SGCA: variants seen among roughly 807,000 people sequenced by gnomAD.
SGCA encodes the protein sarcoglycan alpha, also known as alpha-sarcoglycan.
In SGCA, 34 loss-of-function variants were observed where a neutral mutation model predicts 38.1. The ratio of observed to expected loss-of-function variants is 0.89; its 90% CI spans 0.68 to 1.19. The LOEUF is 1.19. SGCA is among the 50% of genes most tolerant of loss of function. The pLI, the probability that SGCA is intolerant of heterozygous loss-of-function variation, is 0.00. For synonymous variants in SGCA, 209 were observed against 214.6 expected, an observed-to-expected ratio of 0.97 and a Z score of 0.23; for missense variants, 476 against 524.9, an observed-to-expected ratio of 0.91 and a Z score of 0.91.
chr17:50,171,857 A>G (rs1598273213), intron 8 of SGCA: 1 of 456,792 alleles, frequency 2.2e-6, no homozygotes, highest in Non-Finnish European at 4.4e-6. Context: ...CTTGTCCGCC[A>G]CAGCCCTCAG....
chr17:50,167,262 T>C lies in SGCA; in HGVS notation c.38-106T>C. 1 of 1,529,466 alleles carries C rather than the reference T, an allele frequency of 6.5e-7. No individual in the cohort carries two copies. Among genetic ancestry groups the C allele is most frequent in the South Asian group, 1.1e-5 (1 of 87,284 alleles). 94.7% of individuals were successfully genotyped at this position (1,529,466 alleles called of 1,614,324 possible). A position where few individuals can be genotyped will look rare whatever the true frequency, so the allele number is the denominator to read the frequency against. ...CCTGGGAGGCAGCAAAGGAAGCGCT[T>C]CTCTCGGTCCCTTAGGGGCTCCAAG... On this transcript the variant is annotated intron_variant, in intron 1 of 9. Coordinates refer to ENST00000262018, the MANE Select transcript of SGCA (RefSeq NM_000023.4). The surrounding 1 kb of genome is among the most constrained non-coding windows in gnomAD (Gnocchi z 4.5).
rs1904953021 is a variant in SGCA, at chr17:50,167,089, T to TTC, written c.38-279_38-278insTC. 6.6e-6 allele frequency among the ~76,000 whole-genome samples: 1 copy of TTC among 151,302 alleles called. No homozygotes were observed. Among genetic ancestry groups the TTC allele is most frequent in the Non-Finnish European group, 1.5e-5 (1 of 67,850 alleles). The stretch of plus-strand genomic sequence containing the variant: ...CACACACACACTTCCCAGTCAAACA[T>TTC]CAGTCCCTGCCCACTGCACCATTAA... On this transcript the variant is annotated intron_variant, in intron 1 of 9. Transcript: ENST00000262018. This position sits in a 1 kb window ranked among gnomAD's most constrained non-coding sequence, Gnocchi z 4.5.
rs886053138 is a variant in SGCA, at chr17:50,175,926, G to A, written c.*227G>A. ...CCAATTGCTGCTGGCAGCCTCTCCC[G>A]TCCTCACTGGCTCTGTTTCCCTTTG... On this transcript the variant is annotated 3_prime_UTR_variant, in exon 10 of 10. Transcript: ENST00000262018. The A allele has an allele frequency of 2.7e-5, 12 of 438,798 alleles. No individual in the cohort carries two copies. The highest frequency in any genetic ancestry group is 1.2e-4 in the African/African-American group (6 of 49,970). The allele number at this position is 438,798 out of a possible 1,614,324, so 27.2% of individuals were successfully genotyped here. A position where few individuals can be genotyped will look rare whatever the true frequency, so the allele number is the denominator to read the frequency against.
At position 50,167,581 on chromosome 17, in the gene SGCA, G is replaced by C; in HGVS notation, c.158-1G>C. ...GAATCCCCTCTCCTCGCTTCCACCAGCTGTCCCACCCGCTGTCCACATCAC... is the reference window on the plus strand; with the variant it reads ...GAATCCCCTCTCCTCGCTTCCACCACCTGTCCCACCCGCTGTCCACATCAC... On this transcript the variant is annotated splice_acceptor_variant, in intron 2 of 9. Coordinates refer to ENST00000262018, the MANE Select transcript of SGCA (RefSeq NM_000023.4). LOFTEE classifies it high-confidence loss of function. The surrounding 1 kb of genome is among the most constrained non-coding windows in gnomAD (Gnocchi z 4.5). 6.2e-7 allele frequency: 1 copy of C among 1,613,342 alleles called. No individual in the cohort carries two copies.
In SGCA at chr17:50,167,823, T is replaced by G. The variant is rs1446534439; in HGVS notation, c.312+87T>G. The G allele has an allele frequency of 1.1e-5, 17 of 1,546,522 alleles. No individual in the cohort carries two copies. The highest frequency in any genetic ancestry group is 1.5e-5 in the Non-Finnish European group (17 of 1,119,166). ...CCTATGAATTGGGATTGGGTGCTCA[T>G]TCACAGTCATTTACATATAATTTAC... On this transcript the variant is annotated intron_variant, in intron 3 of 9. Coordinates refer to ENST00000262018, the MANE Select transcript of SGCA (RefSeq NM_000023.4). This position sits in a 1 kb window ranked among gnomAD's most constrained non-coding sequence, Gnocchi z 4.5.
At position 50,167,768 on chromosome 17, in the gene SGCA, G is replaced by A. The variant is rs1219097402; in HGVS notation, c.312+32G>A. The A allele has an allele frequency of 1.2e-6, 2 of 1,600,862 alleles. No individual in the cohort carries two copies. The highest frequency in any genetic ancestry group is 2.3e-5 in the East Asian group (1 of 44,324). ...TCAGGGACCCTGAGAAAATCACAGGGGTGGGCCAGAGTGGCCTCCTAGGAG... is the reference window on the plus strand; with the variant it reads ...TCAGGGACCCTGAGAAAATCACAGGAGTGGGCCAGAGTGGCCTCCTAGGAG... On this transcript the variant is annotated intron_variant, in intron 3 of 9. Transcript: ENST00000262018. The surrounding 1 kb of genome is among the most constrained non-coding windows in gnomAD (Gnocchi z 4.5).
intron 8 of SGCA, among the ~76,000 whole-genome samples, chr17:50,174,755 A>G (rs1013844836): frequency 3.3e-5 from 5 of 152,230 alleles, no homozygotes; most frequent in African/African-American, 1.2e-4. Flanking sequence ...GTCTACACCC[A>G]CAGCCTATGT....
intron 8 of SGCA, among the ~76,000 whole-genome samples, chr17:50,173,111 A>T (rs1269097429): frequency 6.6e-6 from 1 of 152,218 alleles, no homozygotes; most frequent in African/African-American, 2.4e-5. Context: ...GCCTCAGTCA[A>T]TGTGAAATCA....
At position 50,168,023 on chromosome 17, in the gene SGCA, C is replaced by T. The variant is rs201094873; in HGVS notation, c.385+4C>T. 1.2e-6 allele frequency: 2 copies of T among 1,612,528 alleles called. No individual in the cohort carries two copies. The highest frequency in any genetic ancestry group is 4.5e-5 in the East Asian group (2 of 44,870). ...CTGGAGATTGGGGACCCAGAAGGTA[C>T]CTCTAGCTGTGCCCCATCCCTTCCC... On this transcript the variant is annotated splice_donor_region_variant and intron_variant, in intron 4 of 9. Coordinates refer to ENST00000262018, the MANE Select transcript of SGCA (RefSeq NM_000023.4).
chr17:50,171,499 C>T (rs1460248123), intron 8 of SGCA: 1 of 456,752 alleles, frequency 2.2e-6, no homozygotes, highest in Non-Finnish European at 4.4e-6. Context: ...TGACTGCTTG[C>T]CTGGCCTGCC....
intron 6 of SGCA, 69 bp downstream of exon 6, chr17:50,169,323 A>C (rs756750438): frequency 7.3e-7 from 1 of 1,362,088 alleles, no homozygotes; most frequent in Non-Finnish European, 1.0e-6. Flanking sequence ...CTTCCCTCCC[A>C]TGCTGCTTCC....
rs1904790118 is a variant in SGCA at position 50,166,211 on chromosome 17, G to A, written c.37+134G>A. ...AGGCAGGCGCCAGAAGGGCTTTGGG[G>A]TGTTAATGCCATGGCCAGCTGGGGA... On this transcript the variant is annotated intron_variant, in intron 1 of 9. Coordinates refer to ENST00000262018, the MANE Select transcript of SGCA (RefSeq NM_000023.4). 3 of 754,156 alleles carry A rather than the reference G, an allele frequency of 4.0e-6. No individual in the cohort carries two copies. In the South Asian group the frequency reaches 4.6e-5, roughly 12 times the overall value. The allele number at this position is 754,156 out of a possible 1,614,324, so 46.7% of individuals were successfully genotyped here. A position where few individuals can be genotyped will look rare whatever the true frequency, so the allele number is the denominator to read the frequency against.
At chr17:50,174,096 G>A (rs954702993) in intron 8 of SGCA, among the ~76,000 whole-genome samples, 4 of 152,070 alleles carry the variant, frequency 2.6e-5, no homozygotes, top group African/African-American at 9.7e-5. Context: ...AGGCAGGAGG[G>A]TCCCTTGAGG....
In SGCA at chr17:50,168,361, C is replaced by T. The variant is rs1207411166; in HGVS notation, c.386-13C>T. ...GCTGGGTGCAGCCTGAGGTGTCCACCTGGCCTTCCCAGGCCCCCTGCTGCC... is the reference window on the plus strand; with the variant it reads ...GCTGGGTGCAGCCTGAGGTGTCCACTTGGCCTTCCCAGGCCCCCTGCTGCC... On this transcript the variant is annotated splice_polypyrimidine_tract_variant and intron_variant, in intron 4 of 9. Transcript: ENST00000262018. 5 of 1,559,106 alleles carry T rather than the reference C, an allele frequency of 3.2e-6. No individual in the cohort carries two copies. The Admixed American group carries it at 9.6e-5, about 30-fold the overall frequency.
At position 50,167,929 on chromosome 17, in the gene SGCA, G is replaced by A. The variant is rs765710068; in HGVS notation, c.313-18G>A. 1 of 1,613,350 alleles carries A rather than the reference G, an allele frequency of 6.2e-7. No individual in the cohort carries two copies. The highest frequency in any genetic ancestry group is 1.1e-5 in the South Asian group (1 of 91,066). ...TTCTCCCCTAACCCACTTCTCAGAT[G>A]TCTTTCCCATCCCCCAGGTCACAGC... is the stretch of plus-strand genomic sequence containing the variant. On this transcript the variant is annotated intron_variant, in intron 3 of 9. Coordinates refer to ENST00000262018, the MANE Select transcript of SGCA (RefSeq NM_000023.4). The surrounding 1 kb of genome is among the most constrained non-coding windows in gnomAD (Gnocchi z 4.5).
intron 1 of SGCA, 133 bp downstream of exon 1, chr17:50,166,210 G>A (rs1904789804): frequency 1.3e-6 from 1 of 763,050 alleles, no homozygotes; most frequent in East Asian, 2.5e-5. Flanking sequence ...AGGGCTTTGG[G>A]GTGTTAATGC....
At chr17:50,166,773 T>TCACACACCCTCACA (rs1904867239) in intron 1 of SGCA, among the ~76,000 whole-genome samples, 1 of 35,480 alleles carries the variant, frequency 2.8e-5, no homozygotes, top group Non-Finnish European at 4.8e-5. Flanking sequence ...ACACACACCC[T>TCACACACCCTCACA]CACACACCCT....
Position 50,170,137 on chromosome 17 carries a change from G to A in SGCA, c.748-6G>A. ...TTCCTGCGTCAGCCCTGAGCTCTCT[G>A]TGCAGGTGGATAAGTCAGTGCCGGA... is the stretch of plus-strand genomic sequence containing the variant. On this transcript the variant is annotated splice_polypyrimidine_tract_variant and splice_region_variant and intron_variant, in intron 6 of 9. Coordinates refer to ENST00000262018, the MANE Select transcript of SGCA (RefSeq NM_000023.4). The A allele has an allele frequency of 1.2e-6, 2 of 1,613,590 alleles. No homozygotes were observed. Among genetic ancestry groups the A allele is most frequent in the Non-Finnish European group, 1.7e-6 (2 of 1,179,546 alleles).
intron 6 of SGCA, chr17:50,169,501 G>T: frequency 1.8e-6 from 1 of 544,784 alleles, no homozygotes; most frequent in Non-Finnish European, 3.3e-6. Flanking sequence ...CAATCCGCAT[G>T]TGGGGTCTCC....
Sources: allele counts gnomAD v4.1 joint callset (sites outside exome capture counted in the v4.1 genomes callset), GRCh38; gene constraint gnomAD v4.1.1; non-coding constraint Gnocchi (gnomAD v3.1); transcripts MANE v1.5; gene names NCBI Gene and HGNC (gene_info 2026-07-23, HGNC 2026-07-21).